The following KCNIP3 variants were observed in gnomAD, a reference collection of about 807,000 sequenced individuals.
KCNIP3 encodes the protein potassium voltage-gated channel interacting protein 3, also known as calsenilin.
In KCNIP3, 28 loss-of-function variants were observed where a neutral mutation model predicts 35.0. The observed-to-expected ratio is 0.80, with a 90% CI of 0.59 to 1.10. KCNIP3 has a LOEUF of 1.10. KCNIP3 is among the 50% of genes least tolerant of loss of function. KCNIP3 has a pLI of 0.00. For missense variants in KCNIP3, 295 were observed against 338.4 expected (o/e 0.87, Z 1.01); for synonymous variants, 134 against 133.8 (o/e 1.00, Z -0.01).
intron 2 of KCNIP3, among the ~76,000 whole-genome samples, chr2:95,341,795 T>C (rs923197559): frequency 2.0e-5 from 3 of 152,216 alleles, no homozygotes; most frequent in Non-Finnish European, 4.4e-5. Context: ...AAAGGTGTCA[T>C]GTGAACCCTA....
intron 2 of KCNIP3, among the ~76,000 whole-genome samples, chr2:95,320,388 C>G (rs772952224): frequency 6.6e-6 from 1 of 152,112 alleles, no homozygotes; most frequent in Non-Finnish European, 1.5e-5. Flanking sequence ...CTGCCACTCA[C>G]GGCAGCCTGG....
At chr2:95,310,861 G>T in intron 2 of KCNIP3, 2 of 361,940 alleles carry the variant, frequency 5.5e-6, no homozygotes, top group South Asian at 2.5e-5. Context: ...GTAAGCCGGG[G>T]CACCTCATTG....
intron 2 of KCNIP3, among the ~76,000 whole-genome samples, chr2:95,314,969 T>A (rs1678415988): frequency 1.3e-5 from 2 of 152,308 alleles, no homozygotes; most frequent in East Asian, 3.9e-4. Flanking sequence ...AGAACCAGTC[T>A]TCAGCGGGTC....
chr2:95,341,296 C>T (rs562869481), intron 2 of KCNIP3, among the ~76,000 whole-genome samples: 69 of 152,276 alleles, frequency 4.5e-4, no homozygotes, highest in African/African-American at 1.4e-3. Context: ...TGTGCCTGCT[C>T]CCCCTTCACC....
chr2:95,365,158 C>CTTTTT (rs75136882), intron 2 of KCNIP3, among the ~76,000 whole-genome samples: 2 of 120,518 alleles, frequency 1.7e-5, no homozygotes, highest in Non-Finnish European at 3.4e-5. Flanking sequence ...GTCCTTATGT[C>CTTTTT]TTTTTTTTTT....
chr2:95,319,023 C>T (rs1053386462), intron 2 of KCNIP3, among the ~76,000 whole-genome samples: 5 of 152,234 alleles, frequency 3.3e-5, no homozygotes, highest in Non-Finnish European at 7.3e-5. Flanking sequence ...GGCTCATCCC[C>T]CAATCTTGTC....
rs1393002614 is a variant in KCNIP3, at chr2:95,330,844, A to G, written c.181+20324A>G. Among the ~76,000 whole-genome samples the G allele has an allele frequency of 3.3e-5, 5 of 152,236 alleles. No individual in the cohort carries two copies. In the East Asian group the frequency reaches 7.7e-4, roughly 23 times the overall value. ...GGCTCTGGGGACACAGCAGGGAACCAGACAGAATAAAAACCCCTAGAGCTT... is the reference window on the plus strand; with the variant it reads ...GGCTCTGGGGACACAGCAGGGAACCGGACAGAATAAAAACCCCTAGAGCTT... On this transcript the variant is annotated intron_variant, in intron 2 of 8. Transcript: ENST00000295225.
Position 95,377,997 on chromosome 2 carries a change from A to G in KCNIP3, c.447+2789A>G, listed in dbSNP as rs1308256558. Among the ~76,000 whole-genome samples the G allele has an allele frequency of 6.6e-6, 1 of 152,182 alleles. No individual in the cohort carries two copies. Among genetic ancestry groups the G allele is most frequent in the Non-Finnish European group, 1.5e-5 (1 of 68,016 alleles). On this transcript the variant is annotated intron_variant, in intron 5 of 8. Transcript: ENST00000295225. This position sits in a 1 kb window ranked among gnomAD's most constrained non-coding sequence, Gnocchi z 4.7. ...GTGCTCCACGCCTTTGCTACCCACT[A>G]GGAAGGCCTGTCTGACCCAGGGCTT...
Position 95,316,390 on chromosome 2 carries a change from T to G in KCNIP3, c.181+5870T>G, listed in dbSNP as rs75206930. Among the ~76,000 whole-genome samples, 734 of 152,346 alleles carry G rather than the reference T, an allele frequency of 4.8e-3. 6 individuals carry two copies. Among genetic ancestry groups the G allele is most frequent in the African/African-American group, 0.017 (687 of 41,584 alleles). ...TCTGCAAGGGATCCCTTGGCTTGCC[T>G]GAACTTGCATATAACAGAAACCCCA... On this transcript the variant is annotated intron_variant, in intron 2 of 8. Transcript: ENST00000295225.
rs1680221066 is a variant in KCNIP3, at chr2:95,377,115, A to G, written c.447+1907A>G. Among the ~76,000 whole-genome samples the G allele has an allele frequency of 6.6e-6, 1 of 152,276 alleles. No individual in the cohort carries two copies. Among genetic ancestry groups the G allele is most frequent in the East Asian group, 1.9e-4 (1 of 5,176 alleles). ...GGACCTTCTGGGATTTGCCAGCAGC[A>G]GGGAGCCCCAGGTGAGCAGCGCCAC... On this transcript the variant is annotated intron_variant, in intron 5 of 8. Coordinates refer to ENST00000295225, the MANE Select transcript of KCNIP3 (RefSeq NM_013434.5). The surrounding 1 kb of genome is among the most constrained non-coding windows in gnomAD (Gnocchi z 4.7).
chr2:95,324,053 G>A (rs774055094), intron 2 of KCNIP3, among the ~76,000 whole-genome samples: 6 of 152,350 alleles, frequency 3.9e-5, no homozygotes, highest in South Asian at 2.1e-4. Flanking sequence ...CCCCACCCAC[G>A]CAGATAGACC....
At chr2:95,319,609 C>T (rs1419059894) in intron 2 of KCNIP3, among the ~76,000 whole-genome samples, 2 of 152,192 alleles carry the variant, frequency 1.3e-5, no homozygotes, top group Non-Finnish European at 2.9e-5. Context: ...CCTGCCCGCC[C>T]TTGGCCTGGC....
intron 2 of KCNIP3, among the ~76,000 whole-genome samples, chr2:95,320,171 C>T (rs868295937): frequency 3.3e-5 from 5 of 152,158 alleles, no homozygotes; most frequent in Non-Finnish European, 5.9e-5. Flanking sequence ...CTGCTGAAAA[C>T]ACCACTGCCT....
intron 2 of KCNIP3, among the ~76,000 whole-genome samples, chr2:95,319,694 A>G (rs1162694915): frequency 6.6e-6 from 1 of 152,150 alleles, no homozygotes; most frequent in Non-Finnish European, 1.5e-5. Context: ...GTTTATTGCC[A>G]TGATGTTGCC....
intron 1 of KCNIP3, among the ~76,000 whole-genome samples, chr2:95,300,551 C>T (rs1229260675): frequency 6.6e-6 from 1 of 152,246 alleles, no homozygotes; most frequent in African/African-American, 2.4e-5. Flanking sequence ...AGTGCCCAGA[C>T]CTGGGGCAGG....
intron 2 of KCNIP3, among the ~76,000 whole-genome samples, chr2:95,334,125 C>T (rs1181591137): frequency 2.6e-5 from 4 of 152,208 alleles, no homozygotes; most frequent in Non-Finnish European, 4.4e-5. Flanking sequence ...GAACACTTTG[C>T]GTCAGCATCA....
chr2:95,326,646 C>T (rs1332882344), intron 2 of KCNIP3, among the ~76,000 whole-genome samples: 2 of 152,226 alleles, frequency 1.3e-5, no homozygotes, highest in African/African-American at 4.8e-5. Context: ...TTCCTTGTTC[C>T]CCGGTCTCCC....
chr2:95,313,915 T>TCACA lies in KCNIP3; in HGVS notation c.181+3410_181+3413dup, dbSNP rs564642365. 8.0e-5 allele frequency: 12 copies of TCACA among 150,184 alleles called. No individual in the cohort carries two copies. The South Asian group carries it at 2.3e-3, about 29-fold the overall frequency. The allele number at this position is 150,184 out of a possible 1,614,324, so 9.3% of individuals were successfully genotyped here. On this transcript the variant is annotated intron_variant, in intron 2 of 8. Coordinates refer to ENST00000295225, the MANE Select transcript of KCNIP3 (RefSeq NM_013434.5). ...CTGTGTGACACGGTGCAGCCATTCC[T>TCACA]CACACACACACACACACATACACAC...
intron 2 of KCNIP3, among the ~76,000 whole-genome samples, chr2:95,342,373 T>C (rs1416380141): frequency 6.6e-6 from 1 of 152,248 alleles, no homozygotes; most frequent in Non-Finnish European, 1.5e-5. Context: ...ATAAGTCATG[T>C]TGAAACACCT....
Sources: gnomAD v4.1 joint callset for allele counts (sites outside exome capture counted in the v4.1 genomes callset) on GRCh38, gnomAD v4.1.1 for gene constraint, Gnocchi (gnomAD v3.1) non-coding constraint, MANE v1.5 for transcripts, NCBI Gene and HGNC (gene_info 2026-07-23, HGNC 2026-07-21) for gene names.